The following HSPG2 variants were observed in gnomAD, a reference collection of about 807,000 sequenced individuals.
HSPG2 encodes heparan sulfate proteoglycan 2, also known as basement membrane-specific heparan sulfate proteoglycan core protein.
In HSPG2, 278 loss-of-function variants were observed where a neutral mutation model predicts 526.6. The ratio of observed to expected loss-of-function variants is 0.53; its 90% confidence interval spans 0.48 to 0.58. The LOEUF (loss-of-function observed/expected upper bound fraction) is 0.58, where lower values mean the gene tolerates loss of function less well. Among genes scored for constraint, HSPG2 ranks in the 20% least tolerant of loss-of-function variants. The pLI, the probability that HSPG2 is intolerant of heterozygous loss-of-function variation, is 0.00. For synonymous variants in HSPG2, 2,465 were observed against 2,555.4 expected (o/e 0.96, Z 1.07); for missense variants, 5,354 against 6,099.5 (o/e 0.88, Z 4.07).
intron 62 of HSPG2, among the ~76,000 whole-genome samples, chr1:21,846,902 A>C (rs764782485): frequency 6.6e-6 from 1 of 152,142 alleles, no homozygotes; most frequent in Non-Finnish European, 1.5e-5. Context: ...CGGGAAGCTG[A>C]GACAGGAGAA....
chr1:21,829,899 T>G (rs2097994678), intron 86 of HSPG2, 94 bp downstream of exon 86: 1 of 1,083,448 alleles, frequency 9.2e-7, no homozygotes, highest in African/African-American at 1.6e-5. Flanking sequence ...AATCGTTTTA[T>G]CATCCGTAGG....
rs762064892 is a variant in HSPG2, at chr1:21,876,531, G to A, written c.2807C>T (p.Ser936Phe). 2.5e-6 allele frequency: 4 copies of A among 1,614,094 alleles called. No homozygotes were observed. Among genetic ancestry groups the A allele is most frequent in the African/African-American group, 2.7e-5 (2 of 74,934 alleles). Residue 936 changes from serine to phenylalanine, a missense_variant, in exon 22 of 97, where the codon TCT becomes TTT. Ser to Phe is a radical substitution (Grantham distance 155). Coordinates refer to ENST00000374695, the MANE Select transcript of HSPG2 (RefSeq NM_005529.7). ...AGGTACCTGGGCACGGCTCCATGAA[G>A]AGCTGGTGCAGTGGCGACTGACACC... ...CMGVSRHCTS[S>F]SWSRAQLHGA...
Position 21,864,009 on chromosome 1 carries a change from C to G in HSPG2, c.4740+91G>C, listed in dbSNP as rs1476216813. The G allele has an allele frequency of 3.0e-6, 3 of 999,166 alleles. No homozygotes were observed. The highest frequency in any genetic ancestry group is 3.2e-5 in the African/African-American group (2 of 62,494). The allele number at this position is 999,166 out of a possible 1,614,324, so 61.9% of individuals were successfully genotyped here. On this transcript the variant is annotated intron_variant, in intron 37 of 96. Transcript: ENST00000374695. This position sits in a 1 kb window ranked among gnomAD's most constrained non-coding sequence, Gnocchi z 4.8. ...ACAGGCCATGCCCCATGATCCTGATCCCCTGGATTGATGCCTGCCTTGTCC... is the reference window on the plus strand; with the variant it reads ...ACAGGCCATGCCCCATGATCCTGATGCCCTGGATTGATGCCTGCCTTGTCC...
At position 21,872,440 on chromosome 1, in the gene HSPG2, G is replaced by T; in HGVS notation, c.4030-63C>A. 6.8e-7 allele frequency: 1 copy of T among 1,466,982 alleles called. No homozygotes were observed. The highest frequency in any genetic ancestry group is 9.3e-7 in the Non-Finnish European group (1 of 1,076,426). 90.9% of individuals were successfully genotyped at this position (1,466,982 alleles called of 1,614,324 possible). A position where few individuals can be genotyped will look rare whatever the true frequency, so the allele number is the denominator to read the frequency against. ...CCGGGGTGCCTTGGTGGGGGATGGG[G>T]CACGGGAGGGTGTTAAGGTGCGGAA... On this transcript the variant is annotated intron_variant, in intron 32 of 96. Coordinates refer to ENST00000374695, the MANE Select transcript of HSPG2 (RefSeq NM_005529.7). The surrounding 1 kb of genome is among the most constrained non-coding windows in gnomAD (Gnocchi z 5.5).
At chr1:21,870,981 A>G in intron 33 of HSPG2, 1 of 548,500 alleles carries the variant, frequency 1.8e-6, no homozygotes, top group Non-Finnish European at 2.3e-6. Context: ...GGGAGAGGGG[A>G]GAAGGGACCA....
chr1:21,887,257 C>T lies in HSPG2; in HGVS notation c.1036G>A (p.Gly346Ser). 1.2e-6 allele frequency: 2 copies of T among 1,613,868 alleles called. No individual in the cohort carries two copies. The highest frequency in any genetic ancestry group is 1.7e-6 in the Non-Finnish European group (2 of 1,179,922). ...GTTCGGTCCTCACAGTCAAAGTCACCATCGCAGCGCCACAGCTTGAGGGCA... is the reference window on the plus strand; with the variant it reads ...GTTCGGTCCTCACAGTCAAAGTCACTATCGCAGCGCCACAGCTTGAGGGCA... The part of the protein sequence containing the change: ...HCALKLWRCD[G>S]DFDCEDRTDE... Residue 346 changes from glycine to serine, a missense_variant, in exon 9 of 97, where the codon GGT (glycine) becomes AGT (serine). Gly to Ser is a moderately conservative substitution (Grantham distance 56). Transcript: ENST00000374695. This position sits in a 1 kb window ranked among gnomAD's most constrained non-coding sequence, Gnocchi z 5.0.
At position 21,848,201 on chromosome 1, in the gene HSPG2, C is replaced by T; in HGVS notation, c.7738-108G>A. The T allele has an allele frequency of 1.5e-6, 2 of 1,323,572 alleles. No homozygotes were observed. The highest frequency in any genetic ancestry group is 1.4e-5 in the African/African-American group (1 of 69,038). 82.0% of individuals were successfully genotyped at this position (1,323,572 alleles called of 1,614,324 possible). ...GACTCTGGGGGCCTCCCTGCCTTGCCTCCTCAGTGGCCTTCGTGAAGCTCC... is the reference window on the plus strand; with the variant it reads ...GACTCTGGGGGCCTCCCTGCCTTGCTTCCTCAGTGGCCTTCGTGAAGCTCC... On this transcript the variant is annotated intron_variant, in intron 59 of 96. Coordinates refer to ENST00000374695, the MANE Select transcript of HSPG2 (RefSeq NM_005529.7). This position sits in a 1 kb window ranked among gnomAD's most constrained non-coding sequence, Gnocchi z 4.9.
rs1368223365 is a variant in HSPG2 at position 21,890,387 on chromosome 1, G to A, written c.413+40C>T. On this transcript the variant is annotated intron_variant, in intron 5 of 96. Coordinates refer to ENST00000374695, the MANE Select transcript of HSPG2 (RefSeq NM_005529.7). This position sits in a 1 kb window ranked among gnomAD's most constrained non-coding sequence, Gnocchi z 4.1. ...CTCATCAGCCCCCTCCAGGTTACCC[G>A]CTCAAGTCCCCCAGCAGCCCCCAGG... 1.6e-5 allele frequency: 26 copies of A among 1,595,718 alleles called. No homozygotes were observed. The highest frequency in any genetic ancestry group is 5.5e-5 in the South Asian group (5 of 90,682).
Position 21,885,395 on chromosome 1 carries a change from T to C in HSPG2, c.1135A>G (p.Asn379Asp). Residue 379 changes from asparagine (N) to aspartate (D), a missense_variant, in exon 10 of 97, where the codon AAC (asparagine) becomes GAC (aspartate). By Grantham distance (23) the Asn-to-Asp change is conservative. Transcript: ENST00000374695. ...GPTQFRCVST[N>D]MCIPASFHCD... ...TGGAAGCTGGCTGGGATGCACATGT[T>C]GGTAGAGACGCATCGGAACTGTGTG... 6.2e-7 allele frequency: 1 copy of C among 1,614,090 alleles called. No individual in the cohort carries two copies. The highest frequency in any genetic ancestry group is 8.5e-7 in the Non-Finnish European group (1 of 1,180,002).
chr1:21,857,691 T>G (rs575828118), intron 42 of HSPG2, among the ~76,000 whole-genome samples: 32 of 152,288 alleles, frequency 2.1e-4, no homozygotes, highest in African/African-American at 7.2e-4. Context: ...ACTGGGTTTC[T>G]CCGTCTGGTT....
At position 21,830,032 on chromosome 1, in the gene HSPG2, G is replaced by T; in HGVS notation, c.11731C>A (p.Arg3911Ser). ...AACCCCGAGCGGCCCAGGTGGCAGC[G>T]GCAGGTGTAGCCTCGACCGTCAGGC... ...NRPDGRGYTC[R>S]CHLGRSGLRC... Residue 3911 changes from arginine to serine, a missense_variant, in exon 86 of 97, where the codon CGC becomes AGC. Transcript: ENST00000374695. 2 of 1,607,872 alleles carry T rather than the reference G, an allele frequency of 1.2e-6. No homozygotes were observed.
intron 63 of HSPG2, 31 bp downstream of exon 63, chr1:21,846,417 G>T: frequency 6.2e-7 from 1 of 1,612,720 alleles, no homozygotes; most frequent in Non-Finnish European, 8.5e-7. Context: ...ACATCCAGCG[G>T]CTCTCCCACC....
In HSPG2 at chr1:21,839,280, GA is replaced by G. The variant is rs2152703155; in HGVS notation, c.9889+90del. ...ACCCTGCAGCGCCTGGAGACCTCTG[GA>G]TGGGGTTCCTGGGGTTCTGTGTGGG... On this transcript the variant is annotated intron_variant, in intron 73 of 96. Coordinates refer to ENST00000374695, the MANE Select transcript of HSPG2 (RefSeq NM_005529.7). The surrounding 1 kb of genome is among the most constrained non-coding windows in gnomAD (Gnocchi z 4.5). 1.3e-6 allele frequency: 2 copies of G among 1,515,800 alleles called. No individual in the cohort carries two copies. The highest frequency in any genetic ancestry group is 4.5e-5 in the East Asian group (2 of 44,496). 93.9% of individuals were successfully genotyped at this position (1,515,800 alleles called of 1,614,324 possible).
rs114912665 is a variant in HSPG2 at position 21,899,492 on chromosome 1, A to C, written c.64-3182T>G. Among the ~76,000 whole-genome samples the C allele has an allele frequency of 3.7e-3, 558 of 152,250 alleles. 1 individual carries two copies. The highest frequency in any genetic ancestry group is 0.013 in the African/African-American group (529 of 41,540). ...CACTGAGAAAGGGGGCAAAGAGAGC[A>C]GAGAAAGTCAGGTTACCCGTGGAAA... On this transcript the variant is annotated intron_variant, in intron 1 of 96. Coordinates refer to ENST00000374695, the MANE Select transcript of HSPG2 (RefSeq NM_005529.7).
chr1:21,874,922 C>A lies in HSPG2; in HGVS notation c.3383G>T (p.Cys1128Phe), dbSNP rs759734568. The change falls in exon 26 of 97, where the codon TGC becomes TTC. Residue 1128 changes from cysteine to phenylalanine, a missense_variant. Physicochemically the swap from Cys to Phe is radical, Grantham distance 205. Transcript: ENST00000374695. ...DPALEVEQCSCPPGYRGPSCQ... is the reference protein window; with the variant it reads ...DPALEVEQCSFPPGYRGPSCQ... ...GGACGGCCCACGGTACCCGGGTGGG[C>A]AGGAGCACTGTTCCACTTCCAGCGC... 2 of 1,612,824 alleles carry A rather than the reference C, an allele frequency of 1.2e-6. No homozygotes were observed. The highest frequency in any genetic ancestry group is 1.3e-5 in the African/African-American group (1 of 74,892).
In HSPG2 at chr1:21,848,865, C is replaced by A. The variant is rs775711536; in HGVS notation, c.7585+28G>T. ...GCAGTCGGGGTCCCCCAGCCCTCCA[C>A]CATTTGCATGACCCCCGAGACACTC... On this transcript the variant is annotated intron_variant, in intron 58 of 96. Coordinates refer to ENST00000374695, the MANE Select transcript of HSPG2 (RefSeq NM_005529.7). This position sits in a 1 kb window ranked among gnomAD's most constrained non-coding sequence, Gnocchi z 4.9. 1.9e-6 allele frequency: 3 copies of A among 1,611,494 alleles called. No individual in the cohort carries two copies. Among genetic ancestry groups the A allele is most frequent in the South Asian group, 1.1e-5 (1 of 90,912 alleles).
chr1:21,873,460 G>GC lies in HSPG2; in HGVS notation c.3744-37_3744-36insG, dbSNP rs769793849. The GC allele has an allele frequency of 3.7e-6, 6 of 1,608,258 alleles. No homozygotes were observed. The South Asian group carries it at 6.6e-5, about 18-fold the overall frequency. On this transcript the variant is annotated intron_variant, in intron 29 of 96. Coordinates refer to ENST00000374695, the MANE Select transcript of HSPG2 (RefSeq NM_005529.7). ...AAAAAGCCTCTGATGAATTTTGGAT[G>GC]AAGGGAAGCAGAACCCCAGGGCTGG...
chr1:21,880,015 T>C, intron 17 of HSPG2, 92 bp downstream of exon 17: 1 of 1,444,274 alleles, frequency 6.9e-7, no homozygotes, highest in Non-Finnish European at 9.7e-7. Flanking sequence ...ACAGTCATTC[T>C]GGAGGCTTGT....
rs1275091973 is a variant in HSPG2 at position 21,829,024 on chromosome 1, C to T, written c.12048G>A (p.Val4016=). ...EPLALGRWHR[V]SAERLNKDGS... ...CGTCCTTGTTGAGACGCTCTGCAGA[C>T]ACACGGTGCCAGCGGCCCAGGGCCA... is the stretch of plus-strand genomic sequence containing the variant. The change falls in exon 88 of 97, where the codon GTG becomes GTA. Residue 4016 remains valine (V), a synonymous_variant. Transcript: ENST00000374695. 2 of 1,553,670 alleles carry T rather than the reference C, an allele frequency of 1.3e-6. No individual in the cohort carries two copies. The highest frequency in any genetic ancestry group is 1.7e-6 in the Non-Finnish European group (2 of 1,149,684).
Sources: allele counts gnomAD v4.1 joint callset (sites outside exome capture counted in the v4.1 genomes callset), GRCh38; gene constraint gnomAD v4.1.1; non-coding constraint Gnocchi (gnomAD v3.1); transcripts MANE v1.5; gene names NCBI Gene and HGNC (gene_info 2026-07-23, HGNC 2026-07-21).